Variants in KLHL8 observed in about 807,000 individuals in gnomAD.
KLHL8 encodes the protein kelch like family member 8.
Under a neutral mutation model 63.5 loss-of-function variants are expected in KLHL8, and 38 were observed. The ratio of observed to expected loss-of-function variants is 0.60; its 90% CI spans 0.46 to 0.78. KLHL8 has a LOEUF of 0.78. Among genes scored for constraint, KLHL8 ranks in the 30% least tolerant of loss-of-function variants. The pLI is 0.00. For synonymous variants in KLHL8, 224 were observed against 254.3 expected, an observed-to-expected ratio of 0.88 and a Z score of 1.13; for missense variants, 566 against 752.4, an observed-to-expected ratio of 0.75 and a Z score of 2.90.
intron 1 of KLHL8, among the ~76,000 whole-genome samples, chr4:87,226,384 GA>G (rs1732974227): frequency 6.6e-6 from 1 of 151,468 alleles, no homozygotes; most frequent in Admixed American, 6.6e-5. Context: ...CCAACATGGT[GA>G]AACCCTGTCT....
chr4:87,173,804 T>A, intron 6 of KLHL8, among the ~76,000 whole-genome samples: 1 of 152,196 alleles, frequency 6.6e-6, no homozygotes, highest in East Asian at 1.9e-4. Flanking sequence ...TTATCTCCCA[T>A]TTTAATCCAT....
intron 1 of KLHL8, among the ~76,000 whole-genome samples, chr4:87,210,046 T>A (rs1206969590): frequency 6.6e-6 from 1 of 151,988 alleles, no homozygotes; most frequent in Non-Finnish European, 1.5e-5. Flanking sequence ...TTTGTAGAGA[T>A]GGGGTTTTGC....
intron 1 of KLHL8, chr4:87,207,687 G>A: frequency 3.0e-6 from 3 of 995,676 alleles, no homozygotes; most frequent in Non-Finnish European, 4.8e-6. Context: ...ACAGCTGCAG[G>A]GCTCTCCAGA....
chr4:87,215,103 T>A (rs767879085), intron 1 of KLHL8, among the ~76,000 whole-genome samples: 14 of 152,192 alleles, frequency 9.2e-5, no homozygotes, highest in Non-Finnish European at 2.1e-4. Flanking sequence ...TCGGCCAGAA[T>A]TTTTTAAGGT....
chr4:87,185,149 C>A (rs1731200870), intron 3 of KLHL8, 102 bp downstream of exon 3: 3 of 1,140,370 alleles, frequency 2.6e-6, no homozygotes, highest in African/African-American at 1.6e-5. Context: ...TCAATAATTT[C>A]TATATTCCTT....
At chr4:87,191,059 C>T (rs1441667116) in intron 2 of KLHL8, among the ~76,000 whole-genome samples, 1 of 152,082 alleles carries the variant, frequency 6.6e-6, no homozygotes, top group African/African-American at 2.4e-5. Flanking sequence ...GCTTAGGTTT[C>T]TACATATCTC....
At chr4:87,163,786 A>T in intron 9 of KLHL8, 92 bp downstream of exon 9, 1 of 1,523,836 alleles carries the variant, frequency 6.6e-7, no homozygotes, top group East Asian at 2.3e-5. Flanking sequence ...AAAGCTTAGT[A>T]TTAACTACGA....
At chr4:87,179,394 A>C (rs1449258282) in intron 4 of KLHL8, among the ~76,000 whole-genome samples, 1 of 152,190 alleles carries the variant, frequency 6.6e-6, no homozygotes, top group Non-Finnish European at 1.5e-5. Flanking sequence ...CAGTAAACTA[A>C]TGAAAAGGCT....
chr4:87,207,978 G>A, intron 1 of KLHL8: 1 of 767,226 alleles, frequency 1.3e-6, no homozygotes, highest in Non-Finnish European at 2.3e-6. Flanking sequence ...TCAATGTTAG[G>A]GCTGGCATTG....
In KLHL8 at chr4:87,214,917, G is replaced by A. The variant is rs570860824; in HGVS notation, c.-152+5501C>T. Among the ~76,000 whole-genome samples the A allele has an allele frequency of 9.2e-5, 14 of 152,066 alleles. No individual in the cohort carries two copies. The East Asian group carries it at 1.9e-3, about 21-fold the overall frequency. The stretch of plus-strand genomic sequence containing the variant: ...GGGTTCACATGATCCTCCAGCCTCC[G>A]CCTCTCAAGTAGCTGGGATTACAAC... On this transcript the variant is annotated intron_variant, in intron 1 of 9. Coordinates refer to ENST00000273963, the MANE Select transcript of KLHL8 (RefSeq NM_020803.5).
chr4:87,185,248 T>A lies in KLHL8; in HGVS notation c.765+3A>T, dbSNP rs2109993346. 1 of 1,604,312 alleles carries A rather than the reference T, an allele frequency of 6.2e-7. No individual in the cohort carries two copies. The highest frequency in any genetic ancestry group is 1.1e-5 in the South Asian group (1 of 89,952). On this transcript the variant is annotated splice_donor_region_variant and intron_variant, in intron 3 of 9. Transcript: ENST00000273963. ...CTGTGTGAAATCTTATTTCAGCTCC[T>A]ACCTGTGCAAGTGTTTCATCCAACC...
chr4:87,234,723 A>C (rs559823370), intron 1 of KLHL8, among the ~76,000 whole-genome samples: 6 of 152,312 alleles, frequency 3.9e-5, no homozygotes, highest in African/African-American at 1.2e-4. Flanking sequence ...TTAACCATAA[A>C]ACAGCCTGGG....
chr4:87,212,315 G>C (rs1330123933), intron 1 of KLHL8, among the ~76,000 whole-genome samples: 1 of 151,802 alleles, frequency 6.6e-6, no homozygotes, highest in East Asian at 1.9e-4. Context: ...TTTGAAAACT[G>C]AAAAGCTAAA....
rs140766418 is a variant in KLHL8, at chr4:87,181,092, C to T, written c.952+2111G>A. On this transcript the variant is annotated intron_variant, in intron 4 of 9. Transcript: ENST00000273963. The stretch of plus-strand genomic sequence containing the variant: ...GAAGAAACTGTGAAGATCATTTAGT[C>T]AAATTGTTTATAAGTAAACAGAGGC... 2.2e-3 allele frequency among the ~76,000 whole-genome samples: 338 copies of T among 151,560 alleles called. 1 individual carries two copies. The highest frequency in any genetic ancestry group is 7.7e-3 in the African/African-American group (319 of 41,342).
At chr4:87,206,830 C>T (rs1324530089) in intron 1 of KLHL8, among the ~76,000 whole-genome samples, 10 of 152,320 alleles carry the variant, frequency 6.6e-5, no homozygotes, top group South Asian at 6.2e-4. Flanking sequence ...CTGTATTTCT[C>T]CAACTCGTTC....
At chr4:87,170,814 TGC>T (rs1395840086) in intron 6 of KLHL8, among the ~76,000 whole-genome samples, 199 bp from the exon 7 acceptor site, 1 of 152,230 alleles carries the variant, frequency 6.6e-6, no homozygotes, top group Admixed American at 6.5e-5. Flanking sequence ...ATGTGAATAC[TGC>T]CCCCTGAAGT....
intron 3 of KLHL8, 57 bp downstream of exon 3, chr4:87,185,194 T>A (rs1016576736): frequency 5.7e-6 from 8 of 1,391,784 alleles, no homozygotes; most frequent in Middle Eastern, 4.3e-4. Flanking sequence ...AAATGAAGCA[T>A]GTTGATTTGC....
chr4:87,226,602 A>C (rs1732980706), intron 1 of KLHL8, among the ~76,000 whole-genome samples: 1 of 72,230 alleles, frequency 1.4e-5, no homozygotes, highest in Non-Finnish European at 2.4e-5. Context: ...TAAATAATAT[A>C]TATATTATTT....
chr4:87,229,671 A>T (rs1733101575), intron 1 of KLHL8, among the ~76,000 whole-genome samples: 1 of 150,350 alleles, frequency 6.7e-6, no homozygotes, highest in South Asian at 2.1e-4. Flanking sequence ...ACCTCAATTG[A>T]TCCACCTGCC....
Sources: allele counts gnomAD v4.1 joint callset (sites outside exome capture counted in the v4.1 genomes callset), GRCh38; gene constraint gnomAD v4.1.1; transcripts MANE v1.5; gene names NCBI Gene and HGNC (gene_info 2026-07-23, HGNC 2026-07-21).